Variants in CNOT4 observed in about 807,000 individuals in gnomAD.
CNOT4 encodes the protein CCR4-NOT transcription complex subunit 4, also known as CCR4-associated factor 4.
CNOT4 carries 8 observed loss-of-function variants against 73.8 expected under a neutral mutation model. The ratio of observed to expected loss-of-function variants is 0.11; its 90% confidence interval spans 0.06 to 0.20. The LOEUF is 0.20. CNOT4 is among the 10% of genes least tolerant of loss of function. The probability of loss-of-function intolerance (pLI) is 1.00; values close to 1 mark genes in which losing one functional copy is unlikely to be tolerated. For missense variants in CNOT4, 564 were observed against 883.4 expected, an observed-to-expected ratio of 0.64 and a Z score of 4.58; for synonymous variants, 293 against 321.1, an observed-to-expected ratio of 0.91 and a Z score of 0.94.
At chr7:135,506,833 G>A (rs1030475994) in intron 1 of CNOT4, among the ~76,000 whole-genome samples, 1 of 151,362 alleles carries the variant, frequency 6.6e-6, no homozygotes, top group Non-Finnish European at 1.5e-5. Context: ...GAGTGACAGA[G>A]CGAGACTGTC....
chr7:135,437,159 A>AT (rs1799203313), intron 2 of CNOT4, among the ~76,000 whole-genome samples: 1 of 152,064 alleles, frequency 6.6e-6, no homozygotes, highest in Admixed American at 6.6e-5. Flanking sequence ...AAAATAATAG[A>AT]TTTTTAGAGT....
At chr7:135,394,708 T>C (rs1796585692) in intron 9 of CNOT4, among the ~76,000 whole-genome samples, 1 of 152,180 alleles carries the variant, frequency 6.6e-6, no homozygotes, top group African/African-American at 2.4e-5. Context: ...CCATTCATAA[T>C]CAAAACCAAC....
intron 1 of CNOT4, among the ~76,000 whole-genome samples, chr7:135,467,228 A>G (rs1008439296): frequency 1.3e-5 from 2 of 152,104 alleles, no homozygotes; most frequent in East Asian, 3.9e-4. Flanking sequence ...TTTACTAAGC[A>G]CTCTGTCACC....
chr7:135,433,746 TTG>T (rs768261700), intron 2 of CNOT4, among the ~76,000 whole-genome samples: 1 of 152,200 alleles, frequency 6.6e-6, no homozygotes, highest in Non-Finnish European at 1.5e-5. Flanking sequence ...TCTCATTTCC[TTG>T]TATAGTCTCT....
intron 2 of CNOT4, among the ~76,000 whole-genome samples, chr7:135,428,559 A>G (rs2129484840): frequency 6.6e-6 from 1 of 152,334 alleles, no homozygotes; most frequent in African/African-American, 2.4e-5. Context: ...GGAAAACACA[A>G]AACCAATAGT....
intron 2 of CNOT4, among the ~76,000 whole-genome samples, chr7:135,435,983 A>G (rs899765496): frequency 3.3e-5 from 5 of 151,294 alleles, no homozygotes; most frequent in African/African-American, 1.2e-4. Flanking sequence ...AACTACACTG[A>G]TATTTTTCCT....
Position 135,510,059 on chromosome 7 carries a change from A to G in CNOT4, c.-263T>C, listed in dbSNP as rs915692092. ...AGACTCTCAGCTTTCGGTGGGTTCC[A>G]CAGCCAGACGGGCCACCATCTTACA... On this transcript the variant is annotated 5_prime_UTR_variant, in exon 1 of 12. Coordinates refer to ENST00000541284, the MANE Select transcript of CNOT4 (RefSeq NM_001190850.2). 2.3e-5 allele frequency: 9 copies of G among 399,022 alleles called. No individual in the cohort carries two copies. Among genetic ancestry groups the G allele is most frequent in the Non-Finnish European group, 3.5e-5 (8 of 226,172 alleles). The allele number at this position is 399,022 out of a possible 1,614,324, so 24.7% of individuals were successfully genotyped here. A position where few individuals can be genotyped will look rare whatever the true frequency, so the allele number is the denominator to read the frequency against.
Position 135,362,835 on chromosome 7 carries a change from A to G in CNOT4, c.*50T>C. The stretch of plus-strand genomic sequence containing the variant: ...CTGTGGGTGGTGGGCTGAGAGGGAG[A>G]AAACAGAGTGGGACAAATCCTGCAT... On this transcript the variant is annotated 3_prime_UTR_variant, in exon 12 of 12. Transcript: ENST00000541284. 1 of 1,522,338 alleles carries G rather than the reference A, an allele frequency of 6.6e-7. No individual in the cohort carries two copies. The highest frequency in any genetic ancestry group is 1.1e-5 in the South Asian group (1 of 89,242). 94.3% of individuals were successfully genotyped at this position (1,522,338 alleles called of 1,614,324 possible). A position where few individuals can be genotyped will look rare whatever the true frequency, so the allele number is the denominator to read the frequency against.
At chr7:135,422,645 A>T (rs1373780188) in intron 2 of CNOT4, among the ~76,000 whole-genome samples, 1 of 152,196 alleles carries the variant, frequency 6.6e-6, no homozygotes. Flanking sequence ...GCAGTGTCCA[A>T]CAGAGTTTAT....
chr7:135,444,738 G>C, intron 1 of CNOT4: 1 of 1,415,850 alleles, frequency 7.1e-7, no homozygotes, highest in East Asian at 2.3e-5. Context: ...CTATTCCCTG[G>C]CTGCGACCCT....
intron 1 of CNOT4, among the ~76,000 whole-genome samples, chr7:135,477,216 G>A (rs1348452700): frequency 1.3e-5 from 2 of 151,992 alleles, no homozygotes; most frequent in African/African-American, 4.8e-5. Context: ...GGTGGCACAT[G>A]CCCATAGTGC....
At chr7:135,407,654 G>A (rs980334891) in intron 7 of CNOT4, among the ~76,000 whole-genome samples, 3 of 151,232 alleles carry the variant, frequency 2.0e-5, no homozygotes, top group African/African-American at 7.3e-5. Flanking sequence ...AGGCACAAGA[G>A]AGATATGCTA....
chr7:135,469,947 G>A (rs149826073), intron 1 of CNOT4, among the ~76,000 whole-genome samples: 3,948 of 152,080 alleles, frequency 0.026, 85 homozygotes, highest in Middle Eastern at 0.044. Context: ...TGAGCCTCCC[G>A]AGTAGCTGGG....
intron 1 of CNOT4, among the ~76,000 whole-genome samples, chr7:135,508,542 A>T (rs1463465317): frequency 1.3e-5 from 2 of 152,242 alleles, no homozygotes; most frequent in East Asian, 3.8e-4. Flanking sequence ...TGGATTTTCA[A>T]GACAAGACAA....
Position 135,448,722 on chromosome 7 carries a change from T to A in CNOT4, c.-92-10299A>T, listed in dbSNP as rs116077119. ...CCATAATTGCAGAAGGAAGGTATAA[T>A]GACAGTATCTCAGCAAATGGACAAT... On this transcript the variant is annotated intron_variant, in intron 1 of 11. Coordinates refer to ENST00000541284, the MANE Select transcript of CNOT4 (RefSeq NM_001190850.2). Among the ~76,000 whole-genome samples, 1,327 of 152,240 alleles carry A rather than the reference T, an allele frequency of 8.7e-3. 23 individuals carry two copies. Among genetic ancestry groups the A allele is most frequent in the African/African-American group, 0.03 (1,265 of 41,548 alleles).
intron 1 of CNOT4, among the ~76,000 whole-genome samples, chr7:135,495,033 A>G (rs544928234): frequency 6.6e-6 from 1 of 152,330 alleles, no homozygotes; most frequent in Admixed American, 6.5e-5. Context: ...AGATCTATGA[A>G]ATAGGTGTTC....
intron 2 of CNOT4, among the ~76,000 whole-genome samples, chr7:135,432,178 C>T (rs10239457): frequency 0.074 from 11,257 of 152,180 alleles, 496 homozygotes; most frequent in Middle Eastern, 0.13. Flanking sequence ...AATACAGATG[C>T]TAGTATTGGA....
intron 1 of CNOT4, among the ~76,000 whole-genome samples, chr7:135,457,692 C>G (rs1418612883): frequency 6.6e-6 from 1 of 151,996 alleles, no homozygotes; most frequent in African/African-American, 2.4e-5. Flanking sequence ...TTAATTTTTC[C>G]ATACCCAAAG....
At chr7:135,441,514 C>G (rs1425092653) in intron 1 of CNOT4, among the ~76,000 whole-genome samples, 1 of 151,836 alleles carries the variant, frequency 6.6e-6, no homozygotes, top group Non-Finnish European at 1.5e-5. Context: ...TTAAACATCC[C>G]AAAACTGTAC....
Sources: allele counts gnomAD v4.1 joint callset (sites outside exome capture counted in the v4.1 genomes callset), GRCh38; gene constraint gnomAD v4.1.1; transcripts MANE v1.5; gene names NCBI Gene and HGNC (gene_info 2026-07-23, HGNC 2026-07-21).